The following PDE10A variants were observed in gnomAD, a reference collection of about 807,000 sequenced individuals.
The protein encoded by PDE10A is cAMP and cAMP-inhibited cGMP 3',5'-cyclic phosphodiesterase 10A.
Under a neutral mutation model 97.7 loss-of-function variants are expected in PDE10A, and 39 were observed. The ratio of observed to expected loss-of-function variants is 0.40; its 90% confidence interval spans 0.31 to 0.52. The LOEUF (loss-of-function observed/expected upper bound fraction) is 0.52. PDE10A is among the 20% of genes least tolerant of loss of function. The pLI is 0.56. For missense variants in PDE10A, 731 were observed against 1,047.8 expected, an observed-to-expected ratio of 0.70 and a Z score of 4.17; for synonymous variants, 371 against 376.8, an observed-to-expected ratio of 0.98 and a Z score of 0.18.
intron 18 of PDE10A, among the ~76,000 whole-genome samples, chr6:165,343,950 T>C (rs1451148075): frequency 6.6e-6 from 1 of 152,216 alleles, no homozygotes; most frequent in Admixed American, 6.5e-5. Flanking sequence ...AAATGACTTT[T>C]CTAAAGGGAC....
At chr6:165,473,408 A>ATT (rs1352012220) in intron 3 of PDE10A, among the ~76,000 whole-genome samples, 1 of 152,206 alleles carries the variant, frequency 6.6e-6, no homozygotes, top group Non-Finnish European at 1.5e-5. Context: ...TAGGAACAGG[A>ATT]TCCAAGCCCA....
intron 1 of PDE10A, among the ~76,000 whole-genome samples, chr6:165,645,161 C>T (rs555440755): frequency 1.3e-5 from 2 of 152,288 alleles, no homozygotes; most frequent in African/African-American, 4.8e-5. Flanking sequence ...CATCCAGCAC[C>T]CCTGCCAGGG....
intron 1 of PDE10A, among the ~76,000 whole-genome samples, chr6:165,613,156 A>G (rs1787574716): frequency 6.6e-6 from 1 of 152,218 alleles, no homozygotes; most frequent in Non-Finnish European, 1.5e-5. Context: ...TGATAAAACA[A>G]AAGGTTATAT....
chr6:165,450,244 AT>A lies in PDE10A; in HGVS notation c.1141del (p.Ile381Ter). The A allele has an allele frequency of 6.4e-7, 1 of 1,551,078 alleles. No individual in the cohort carries two copies. The highest frequency in any genetic ancestry group is 1.4e-5 in the African/African-American group (1 of 73,386). On this transcript the variant is annotated frameshift_variant, in exon 4 of 22. Transcript: ENST00000539869. LOFTEE classifies it high-confidence loss of function. ...CAGGAACACAAAATGCTTCTTACCT[AT>A]TTTAATGATGCTGCTCAGTTCATAG... ...LLYELSSIIK[I>X]ATKADGFALY...
At chr6:165,842,688 C>T (rs1298400017) in intron 1 of PDE10A, among the ~76,000 whole-genome samples, 1 of 152,194 alleles carries the variant, frequency 6.6e-6, no homozygotes, top group African/African-American at 2.4e-5. Context: ...GTGCCCAGAC[C>T]ATGTCCTTTT....
chr6:165,952,129 G>A (rs1583335922), intron 1 of PDE10A, among the ~76,000 whole-genome samples: 2 of 152,158 alleles, frequency 1.3e-5, no homozygotes, highest in Admixed American at 6.5e-5. Context: ...CATCTAATAC[G>A]TGCCCAGCTA....
chr6:165,559,352 G>GCCTCA (rs923635103), intron 1 of PDE10A, among the ~76,000 whole-genome samples: 1 of 152,188 alleles, frequency 6.6e-6, no homozygotes, highest in African/African-American at 2.4e-5. Flanking sequence ...AATAGCTGAA[G>GCCTCA]ATTTACAAGT....
rs1028705165 is a variant in PDE10A, at chr6:165,380,484, A to C, written c.2611-1118T>G. Among the ~76,000 whole-genome samples the C allele has an allele frequency of 7.9e-5, 12 of 152,224 alleles. 1 individual carries two copies. The highest frequency in any genetic ancestry group is 5.2e-4 in the Admixed American group (8 of 15,284). On this transcript the variant is annotated intron_variant, in intron 17 of 21. Coordinates refer to ENST00000539869, the MANE Select transcript of PDE10A (RefSeq NM_001385079.1). ...GCTCTTAAAGTCTTAGAAGTATTTG[A>C]ATTATTGTATGATAAATGCAGCAAA...
Position 165,531,807 on chromosome 6 carries a change from C to T in PDE10A, c.994+11633G>A, listed in dbSNP as rs546913780. On this transcript the variant is annotated intron_variant, in intron 2 of 21. Transcript: ENST00000539869. ...AAATACCTAATTTTGAATATTTATG[C>T]TCTTTCTACTTTTCCTATTACAATC... 1.4e-4 allele frequency among the ~76,000 whole-genome samples: 22 copies of T among 152,200 alleles called. No individual in the cohort carries two copies. The South Asian group carries it at 2.1e-3, about 14-fold the overall frequency.
At chr6:165,622,273 AGTGTGT>A (rs113616610) in intron 1 of PDE10A, among the ~76,000 whole-genome samples, 114 of 148,936 alleles carry the variant, frequency 7.7e-4, no homozygotes, top group African/African-American at 1.4e-3. Flanking sequence ...TGTGTTTGTG[AGTGTGT>A]GTGTGTGTGT....
chr6:165,535,333 A>C (rs1435949281), intron 2 of PDE10A, among the ~76,000 whole-genome samples: 4 of 151,610 alleles, frequency 2.6e-5, no homozygotes, highest in African/African-American at 9.7e-5. Flanking sequence ...AAATACTGTA[A>C]CCTGTACCCA....
chr6:165,564,976 C>T (rs1015088024), intron 1 of PDE10A, among the ~76,000 whole-genome samples: 3 of 152,048 alleles, frequency 2.0e-5, no homozygotes, highest in Non-Finnish European at 4.4e-5. Context: ...AATAACTCAA[C>T]TATATGTTGT....
intron 1 of PDE10A, among the ~76,000 whole-genome samples, chr6:165,896,505 C>A (rs1781952132): frequency 6.7e-6 from 1 of 149,388 alleles, no homozygotes; most frequent in Non-Finnish European, 1.5e-5. Flanking sequence ...AGGTGCCCAC[C>A]ACAACACGCC....
At position 165,857,957 on chromosome 6, in the gene PDE10A, G is replaced by C. The variant is rs538467476; in HGVS notation, c.-615+129572C>G. Among the ~76,000 whole-genome samples, 30 of 152,234 alleles carry C rather than the reference G, an allele frequency of 2.0e-4. 1 individual carries two copies. The South Asian group carries it at 6.2e-3, about 32-fold the overall frequency. On this transcript the variant is annotated intron_variant, in intron 1 of 19. Coordinates refer to the PDE10A transcript ENST00000366882. Reference sequence around the variant, plus strand: ...CTTTCACTGATAACTTCTTTTTCCAGCTGTACTGTTTGTGCACACATGCAA... The same window carrying C: ...CTTTCACTGATAACTTCTTTTTCCACCTGTACTGTTTGTGCACACATGCAA...
At chr6:165,587,968 A>C (rs1272948050) in intron 1 of PDE10A, among the ~76,000 whole-genome samples, 1 of 152,190 alleles carries the variant, frequency 6.6e-6, no homozygotes, top group Non-Finnish European at 1.5e-5. Context: ...TTTGCTTTAA[A>C]TTTTGTTTTT....
chr6:165,564,446 C>T (rs564101471), intron 1 of PDE10A, among the ~76,000 whole-genome samples: 3 of 152,272 alleles, frequency 2.0e-5, no homozygotes, highest in African/African-American at 7.2e-5. Flanking sequence ...CTTCTTAATA[C>T]AGAGATTACT....
At chr6:165,638,019 C>T (rs1185314385) in intron 1 of PDE10A, among the ~76,000 whole-genome samples, 1 of 152,156 alleles carries the variant, frequency 6.6e-6, no homozygotes, top group Non-Finnish European at 1.5e-5. Context: ...AGCCAGCCCT[C>T]GCCTGCCGTT....
intron 1 of PDE10A, among the ~76,000 whole-genome samples, chr6:165,985,047 T>TG (rs1785144429): frequency 6.6e-6 from 1 of 152,208 alleles, no homozygotes; most frequent in South Asian, 2.1e-4. Context: ...CCAGTCTCTC[T>TG]GGATACTCTG....
intron 6 of PDE10A, among the ~76,000 whole-genome samples, chr6:165,434,016 C>CAAAAAA (rs759945561): frequency 7.3e-5 from 4 of 54,520 alleles, no homozygotes; most frequent in Admixed American, 2.1e-4. Context: ...GACTCCGTCT[C>CAAAAAA]AAAAAAAAAA....
Sources: gnomAD v4.1 joint callset for allele counts (sites outside exome capture counted in the v4.1 genomes callset) on GRCh38, gnomAD v4.1.1 for gene constraint, MANE v1.5 for transcripts, NCBI Gene and HGNC (gene_info 2026-07-23, HGNC 2026-07-21) for gene names.